The following SOAT1 variants were observed in gnomAD, a reference collection of about 807,000 sequenced individuals.
SOAT1 encodes the protein acyl-coenzyme A:cholesterol acyltransferase 1.
Under a neutral mutation model 69.5 loss-of-function variants are expected in SOAT1, and 55 were observed. The ratio of observed to expected loss-of-function variants is 0.79; its 90% CI spans 0.64 to 0.99. The LOEUF (loss-of-function observed/expected upper bound fraction) is 0.99. SOAT1 is among the 50% of genes least tolerant of loss of function. SOAT1 has a pLI of 0.00. For missense variants in SOAT1, 580 were observed against 669.3 expected (o/e 0.87, Z 1.47); for synonymous variants, 231 against 224.7 (o/e 1.03, Z -0.25).
Position 179,345,024 on chromosome 1 carries a change from G to A in SOAT1, c.1065G>A (p.Glu355=). The A allele has an allele frequency of 6.2e-7, 1 of 1,614,068 alleles. No individual in the cohort carries two copies. ...CCTTGTTTCGGAATATCAAACAGGA[G>A]CCCTTCAGCGCTCGTGTTCTGGTCC... is the stretch of plus-strand genomic sequence containing the variant. ...CAPLFRNIKQ[E]PFSARVLVLC... Residue 355 remains glutamate (E), a synonymous_variant, in exon 11 of 16, where the codon GAG becomes GAA. Transcript: ENST00000367619.
chr1:179,303,749 T>C (rs374005451), intron 2 of SOAT1, among the ~76,000 whole-genome samples: 1 of 152,214 alleles, frequency 6.6e-6, no homozygotes, highest in African/African-American at 2.4e-5. Flanking sequence ...TTTAGTGTGA[T>C]ATAAAATGTG....
At chr1:179,326,455 T>A (rs1021915526) in intron 3 of SOAT1, among the ~76,000 whole-genome samples, 1 of 152,194 alleles carries the variant, frequency 6.6e-6, no homozygotes, top group African/African-American at 2.4e-5. Flanking sequence ...TGGTGAACTT[T>A]AGGTGATTTG....
intron 3 of SOAT1, among the ~76,000 whole-genome samples, chr1:179,327,080 C>G (rs917562375): frequency 6.6e-6 from 1 of 152,306 alleles, no homozygotes; most frequent in Admixed American, 6.5e-5. Flanking sequence ...TATACACAAT[C>G]TTACTTACTT....
At position 179,356,557 on chromosome 1, in the gene SOAT1, G is replaced by A. The variant is rs967611138; in HGVS notation, c.*2916G>A. The A allele has an allele frequency of 3.2e-5, 4 of 126,972 alleles. No homozygotes were observed. Among genetic ancestry groups the A allele is most frequent in the African/African-American group, 1.2e-4 (4 of 33,586 alleles). The allele number at this position is 126,972 out of a possible 1,614,324, so 7.9% of individuals were successfully genotyped here. On this transcript the variant is annotated 3_prime_UTR_variant, in exon 16 of 16. Coordinates refer to ENST00000367619, the MANE Select transcript of SOAT1 (RefSeq NM_003101.6). ...TCTTGTACAGATGGGGTTTTACCAT[G>A]TTGCTCAGGCTGGTCTCAAACTCCT...
chr1:179,322,719 G>A (rs935745651), intron 2 of SOAT1, among the ~76,000 whole-genome samples: 7 of 152,120 alleles, frequency 4.6e-5, no homozygotes, highest in Non-Finnish European at 8.8e-5. Flanking sequence ...CACTAGTGAG[G>A]GGGTTATGAT....
chr1:179,313,299 C>T (rs571307565), intron 2 of SOAT1, among the ~76,000 whole-genome samples: 31 of 152,098 alleles, frequency 2.0e-4, no homozygotes, highest in Non-Finnish European at 3.4e-4. Context: ...TCTAGAATTA[C>T]GTTGTTCAAT....
chr1:179,351,145 G>A (rs1447859764), intron 14 of SOAT1, among the ~76,000 whole-genome samples, 172 bp from the exon 15 acceptor site: 12 of 149,914 alleles, frequency 8.0e-5, no homozygotes, highest in African/African-American at 1.2e-4. Context: ...CCTGCTTCAA[G>A]TGATTCTCCT....
chr1:179,341,443 A>G (rs1015966543), intron 7 of SOAT1, 133 bp downstream of exon 7: 14 of 906,176 alleles, frequency 1.5e-5, no homozygotes, highest in Non-Finnish European at 2.2e-5. Flanking sequence ...TTTTGCCATT[A>G]TCTGTAAAAT....
chr1:179,350,263 A>T, intron 13 of SOAT1, 33 bp from the exon 14 acceptor site: 1 of 1,593,166 alleles, frequency 6.3e-7, no homozygotes, highest in Non-Finnish European at 8.6e-7. Context: ...AAATTTTTAA[A>T]AATTACTTTG....
intron 2 of SOAT1, among the ~76,000 whole-genome samples, chr1:179,314,052 A>G (rs1665310710): frequency 6.6e-6 from 1 of 152,222 alleles, no homozygotes; most frequent in African/African-American, 2.4e-5. Flanking sequence ...AGAAAAATCC[A>G]ACAAGTCTTC....
chr1:179,312,718 C>T (rs987572283), intron 2 of SOAT1, among the ~76,000 whole-genome samples: 1 of 152,192 alleles, frequency 6.6e-6, no homozygotes, highest in Admixed American at 6.5e-5. Context: ...GGTTCTCTCC[C>T]TGGTAGGTAA....
At chr1:179,344,597 A>G (rs1279098624) in intron 10 of SOAT1, among the ~76,000 whole-genome samples, 1 of 151,596 alleles carries the variant, frequency 6.6e-6, no homozygotes, top group Non-Finnish European at 1.5e-5. Context: ...CTGGTCTCGA[A>G]CTCTGACCTC....
chr1:179,313,716 C>T (rs1665298877), intron 2 of SOAT1, among the ~76,000 whole-genome samples: 1 of 152,128 alleles, frequency 6.6e-6, no homozygotes, highest in Non-Finnish European at 1.5e-5. Context: ...TCCCAGGTAG[C>T]TGGGATTATA....
chr1:179,317,422 A>C (rs1386911995), intron 2 of SOAT1, among the ~76,000 whole-genome samples: 2 of 151,486 alleles, frequency 1.3e-5, no homozygotes, highest in Non-Finnish European at 2.9e-5. Context: ...AGTCCCAGCT[A>C]CTTGGGATGC....
intron 1 of SOAT1, among the ~76,000 whole-genome samples, chr1:179,300,227 C>T (rs555965613): frequency 1.3e-5 from 2 of 151,824 alleles, no homozygotes; most frequent in East Asian, 3.9e-4. Flanking sequence ...ACTGAAACAT[C>T]TTGGTTCCTT....
Position 179,342,893 on chromosome 1 carries a change from T to C in SOAT1, c.891T>C (p.Tyr297=). The C allele has an allele frequency of 1.2e-6, 2 of 1,613,850 alleles. No individual in the cohort carries two copies. Among genetic ancestry groups the C allele is most frequent in the Non-Finnish European group, 1.7e-6 (2 of 1,179,752 alleles). The change falls in exon 9 of 16, where the codon TAT becomes TAC. Residue 297 remains tyrosine, a synonymous_variant. Coordinates refer to ENST00000367619, the MANE Select transcript of SOAT1 (RefSeq NM_003101.6). ...TTCCAATACCTACAGTCAACCAGTA[T>C]TTGTACTTCTTATTTGCTCCTACCC... ...STVPIPTVNQ[Y]LYFLFAPTLI...
intron 15 of SOAT1, 89 bp from the exon 16 acceptor site, chr1:179,353,496 A>G (rs1191352825): frequency 4.5e-6 from 5 of 1,109,876 alleles, no homozygotes; most frequent in African/African-American, 1.5e-5. Flanking sequence ...GAGATGTACA[A>G]TGTATCATAT....
intron 2 of SOAT1, among the ~76,000 whole-genome samples, chr1:179,311,562 T>C (rs1486876184): frequency 6.7e-6 from 1 of 148,300 alleles, no homozygotes; most frequent in African/African-American, 2.5e-5. Flanking sequence ...TTAAGTGATC[T>C]TCAAAAGGAC....
chr1:179,341,432 C>A, intron 7 of SOAT1, 122 bp downstream of exon 7: 1 of 1,004,630 alleles, frequency 1.0e-6, no homozygotes, highest in Non-Finnish European at 1.5e-6. Flanking sequence ...ATATATTGTT[C>A]TTTTGCCATT....
Sources: allele counts gnomAD v4.1 joint callset (sites outside exome capture counted in the v4.1 genomes callset), GRCh38; gene constraint gnomAD v4.1.1; transcripts MANE v1.5; gene names NCBI Gene and HGNC (gene_info 2026-07-23, HGNC 2026-07-21).